The following DMD variants were observed in gnomAD, a reference collection of about 807,000 sequenced individuals.
The protein encoded by DMD is mutant dystrophin.
In DMD, 63 loss-of-function variants were observed where a neutral mutation model predicts 330.1. That is an observed-to-expected ratio of 0.19 (90% CI 0.16 to 0.24). The LOEUF (loss-of-function observed/expected upper bound fraction) is 0.24, where lower values mean the gene tolerates loss of function less well. Ranked by LOEUF, DMD falls within the 10% of genes least tolerant of loss-of-function variation. DMD has a pLI of 1.00. For missense variants in DMD, 3,344 were observed against 2,684.1 expected (o/e 1.25, Z -5.43); for synonymous variants, 1,223 against 959.8 (o/e 1.27, Z -5.07).
intron 30 of DMD, among the ~76,000 whole-genome samples, chrX:32,396,031 A>G (rs905095431): frequency 9.0e-6 from 1 of 111,305 alleles, no homozygotes; most frequent in African/African-American, 3.3e-5. Flanking sequence ...GATCACTGCA[A>G]CACAGGCCTT....
At chrX:32,122,184 T>C (rs1365437928) in intron 44 of DMD, among the ~76,000 whole-genome samples, 1 of 111,611 alleles carries the variant, frequency 9.0e-6, no homozygotes, top group Non-Finnish European at 1.9e-5. Context: ...ATAAAAGCCT[T>C]ATATGGTTTT....
intron 1 of DMD, among the ~76,000 whole-genome samples, chrX:33,253,138 A>G (rs2052799059): frequency 9.6e-6 from 1 of 103,662 alleles, no homozygotes; most frequent in South Asian, 3.7e-4. Context: ...TACATTACAT[A>G]AACACAGCAA....
intron 1 of DMD, among the ~76,000 whole-genome samples, chrX:33,233,085 T>G (rs1320895719): frequency 1.8e-5 from 2 of 111,621 alleles, no homozygotes; most frequent in Admixed American, 1.9e-4. Context: ...TGGATTTTAA[T>G]ATTTTCACCA....
chrX:32,565,359 T>C (rs918985660), intron 16 of DMD, among the ~76,000 whole-genome samples: 1 of 111,910 alleles, frequency 8.9e-6, no homozygotes, highest in African/African-American at 3.2e-5. Flanking sequence ...AAAACGGAGT[T>C]GGCTAATGTT....
chrX:32,190,550 T>TTA (rs753482446), intron 44 of DMD, among the ~76,000 whole-genome samples: 4,698 of 62,344 alleles, frequency 0.075, 190 homozygotes, highest in Middle Eastern at 0.16. Context: ...ATTTAAAATT[T>TTA]TATATATATA....
chrX:32,465,962 C>A (rs1016845310), intron 23 of DMD, among the ~76,000 whole-genome samples: 1 of 111,651 alleles, frequency 9.0e-6, no homozygotes, highest in Middle Eastern at 4.6e-3. Flanking sequence ...ATTCTAATTA[C>A]TGATCTACAG....
chrX:31,792,641 G>C (rs1447878518), intron 50 of DMD, among the ~76,000 whole-genome samples: 1 of 111,993 alleles, frequency 8.9e-6, no homozygotes, highest in Non-Finnish European at 1.9e-5. Context: ...ACTCGCAACA[G>C]GGGTGCCTTA....
intron 1 of DMD, among the ~76,000 whole-genome samples, chrX:33,206,077 C>T (rs2051556935): frequency 9.0e-6 from 1 of 111,447 alleles, no homozygotes; most frequent in Non-Finnish European, 1.9e-5. Context: ...TCTTCGTTGA[C>T]ACAACCACAT....
At chrX:32,253,953 T>C (rs1393330816) in intron 43 of DMD, among the ~76,000 whole-genome samples, 1 of 111,419 alleles carries the variant, frequency 9.0e-6, no homozygotes, top group Non-Finnish European at 1.9e-5. Context: ...TTTTCTCTTC[T>C]GGGCATCACT....
intron 9 of DMD, among the ~76,000 whole-genome samples, chrX:32,675,247 G>A (rs1302024433): frequency 9.0e-6 from 1 of 111,068 alleles, no homozygotes; most frequent in Non-Finnish European, 1.9e-5. Context: ...GGAATTTAAT[G>A]CACCATTTTT....
intron 44 of DMD, among the ~76,000 whole-genome samples, chrX:32,178,972 CTCT>C (rs2096917350): frequency 3.2e-5 from 3 of 93,143 alleles, no homozygotes; most frequent in African/African-American, 9.3e-5. Flanking sequence ...CTCTCTCTCT[CTCT>C]CTCTCTCCCT....
intron 7 of DMD, among the ~76,000 whole-genome samples, chrX:32,727,221 A>AG (rs1353127317): frequency 9.0e-6 from 1 of 111,613 alleles, no homozygotes; most frequent in Non-Finnish European, 1.9e-5. Context: ...AATCTGCACT[A>AG]GAGAAGGTAA....
At chrX:31,449,763 G>GATATATATATATATATAT (rs59787771) in intron 59 of DMD, among the ~76,000 whole-genome samples, 8 of 62,468 alleles carry the variant, frequency 1.3e-4, no homozygotes, top group Non-Finnish European at 2.2e-4. Flanking sequence ...TAAATGGTGT[G>GATATATATATATATATAT]ATATATATAT....
intron 48 of DMD, among the ~76,000 whole-genome samples, chrX:31,844,751 T>A (rs2093382365): frequency 8.9e-6 from 1 of 111,753 alleles, no homozygotes; most frequent in Non-Finnish European, 1.9e-5. Context: ...CTTCTTTGGT[T>A]AGATGTATTC....
intron 63 of DMD, among the ~76,000 whole-genome samples, chrX:31,260,534 C>T (rs1255734104): frequency 9.0e-6 from 1 of 111,319 alleles, no homozygotes; most frequent in Non-Finnish European, 1.9e-5. Flanking sequence ...ACCGGAAAGA[C>T]GGCAGAAAAT....
Position 31,259,827 on chromosome X carries a change from CCT to C in DMD, c.9286+1126_9286+1127del, listed in dbSNP as rs1475940822. ...CAAAAGCAGTAATAGCTACGTACCC[CCT>C]GACACACACACACCCCACTTACGTA... On this transcript the variant is annotated intron_variant, in intron 63 of 78. Coordinates refer to ENST00000357033, the MANE Select transcript of DMD (RefSeq NM_004006.3). Among the ~76,000 whole-genome samples, 116 of 110,542 alleles carry C rather than the reference CCT, an allele frequency of 1.0e-3. 1 individual carries two copies. In the Middle Eastern group the frequency reaches 0.014, roughly 13 times the overall value.
chrX:31,750,260 G>T (rs1276893702), intron 51 of DMD, among the ~76,000 whole-genome samples: 3 of 107,288 alleles, frequency 2.8e-5, no homozygotes, highest in African/African-American at 1.0e-4. Flanking sequence ...TTTTCTTCTA[G>T]GGTTTTTATG....
intron 1 of DMD, among the ~76,000 whole-genome samples, chrX:33,173,849 C>T (rs1033157830): frequency 1.8e-5 from 2 of 109,838 alleles, no homozygotes; most frequent in Middle Eastern, 4.7e-3. Flanking sequence ...CACCAAATCA[C>T]CCTTAATAAC....
chrX:32,672,873 G>A (rs954532657), intron 9 of DMD, among the ~76,000 whole-genome samples: 2 of 110,826 alleles, frequency 1.8e-5, no homozygotes, highest in South Asian at 3.8e-4. Flanking sequence ...GCAGTGTGAT[G>A]ACAATGTGAA....
Sources: allele counts gnomAD v4.1 joint callset (sites outside exome capture counted in the v4.1 genomes callset), GRCh38; gene constraint gnomAD v4.1.1; transcripts MANE v1.5; gene names NCBI Gene and HGNC (gene_info 2026-07-23, HGNC 2026-07-21).